Variants in EXOC4 observed in about 807,000 individuals in gnomAD.
EXOC4 encodes the protein SEC8-like 1.
Under a neutral mutation model 107.2 loss-of-function variants are expected in EXOC4, and 71 were observed. The ratio of observed to expected loss-of-function variants is 0.66; its 90% CI spans 0.55 to 0.81. The LOEUF is 0.81. EXOC4 is among the 30% of genes least tolerant of loss of function. The pLI, the probability that EXOC4 is intolerant of heterozygous loss-of-function variation, is 0.00. For synonymous variants in EXOC4, 456 were observed against 441.2 expected (o/e 1.03, Z -0.42); for missense variants, 1,108 against 1,189.6 (o/e 0.93, Z 1.01).
At position 133,811,400 on chromosome 7, in the gene EXOC4, C is replaced by T. The variant is rs568433270; in HGVS notation, c.1515-5925C>T. On this transcript the variant is annotated intron_variant, in intron 10 of 17. Coordinates refer to ENST00000253861, the MANE Select transcript of EXOC4 (RefSeq NM_021807.4). ...TGATTATTCTCTTCTATACCCTTGA[C>T]TCTCACTCCTGTCTCCCATTCAACA... is the stretch of plus-strand genomic sequence containing the variant. Among the ~76,000 whole-genome samples the T allele has an allele frequency of 2.1e-3, 322 of 152,298 alleles. 2 individuals are homozygous for T. The highest frequency in any genetic ancestry group is 7.1e-3 in the African/African-American group (297 of 41,564).
chr7:133,769,668 GA>G (rs1037219005), intron 10 of EXOC4, among the ~76,000 whole-genome samples: 5 of 151,756 alleles, frequency 3.3e-5, no homozygotes, highest in South Asian at 2.1e-4. Flanking sequence ...TCTAGTGAGG[GA>G]AAAAAAGCTC....
intron 14 of EXOC4, among the ~76,000 whole-genome samples, chr7:133,997,288 A>T (rs1374211642): frequency 6.6e-6 from 1 of 152,222 alleles, no homozygotes; most frequent in Admixed American, 6.5e-5. Context: ...AAATATTATT[A>T]TATGAATTGA....
intron 7 of EXOC4, among the ~76,000 whole-genome samples, chr7:133,419,093 T>C (rs561629242): frequency 1.2e-4 from 19 of 152,290 alleles, no homozygotes; most frequent in African/African-American, 3.9e-4. Context: ...TCTGAATAAC[T>C]GTTATTTCAA....
chr7:133,558,202 T>G lies in EXOC4; in HGVS notation c.1418-71843T>G, dbSNP rs569524207. ...TTTTGGTTCCTTCTCTTTTCTTTTC[T>G]TTTCTTTTCTTTTCTTTTCTTTTCT... On this transcript the variant is annotated intron_variant, in intron 9 of 17. Transcript: ENST00000253861. 1.7e-4 allele frequency among the ~76,000 whole-genome samples: 21 copies of G among 125,182 alleles called. No individual in the cohort carries two copies. In the East Asian group the frequency reaches 1.7e-3, roughly 10 times the overall value. 82.1% of individuals were successfully genotyped at this position (125,182 alleles called of 152,430 possible).
intron 14 of EXOC4, among the ~76,000 whole-genome samples, chr7:133,990,741 A>G (rs1460726063): frequency 6.6e-6 from 1 of 152,160 alleles, no homozygotes; most frequent in Non-Finnish European, 1.5e-5. Flanking sequence ...GGCATGAGCC[A>G]CTGTGCCCCA....
chr7:133,879,560 C>A (rs975248894), intron 11 of EXOC4, among the ~76,000 whole-genome samples: 5 of 152,008 alleles, frequency 3.3e-5, no homozygotes, highest in African/African-American at 1.2e-4. Context: ...TTTTAATAGC[C>A]ACCTTAAATG....
chr7:133,789,013 T>C (rs1404954131), intron 10 of EXOC4, among the ~76,000 whole-genome samples: 2 of 152,210 alleles, frequency 1.3e-5, no homozygotes, highest in African/African-American at 4.8e-5. Flanking sequence ...TAATGTCTCA[T>C]CTCCATTATT....
chr7:133,614,048 G>T (rs1037206870), intron 9 of EXOC4, among the ~76,000 whole-genome samples: 32 of 152,138 alleles, frequency 2.1e-4, no homozygotes, highest in African/African-American at 6.0e-4. Context: ...TGCCAACCAA[G>T]AGACAGCAGA....
chr7:133,707,260 T>C (rs578145277), intron 10 of EXOC4, among the ~76,000 whole-genome samples: 1 of 152,294 alleles, frequency 6.6e-6, no homozygotes, highest in East Asian at 1.9e-4. Context: ...GGTGCATGTC[T>C]ATAATCCCAG....
chr7:133,960,787 G>C (rs1238331325), intron 14 of EXOC4, among the ~76,000 whole-genome samples: 1 of 152,144 alleles, frequency 6.6e-6, no homozygotes, highest in Non-Finnish European at 1.5e-5. Context: ...TTGATTATAA[G>C]ATCACAGAAC....
intron 10 of EXOC4, among the ~76,000 whole-genome samples, chr7:133,730,950 C>T (rs902297811): frequency 2.0e-5 from 3 of 152,114 alleles, no homozygotes; most frequent in Admixed American, 1.3e-4. Context: ...TCACAAGATT[C>T]ACTTGATAAT....
intron 12 of EXOC4, among the ~76,000 whole-genome samples, chr7:133,911,080 T>C (rs756966476): frequency 7.2e-4 from 109 of 152,200 alleles, no homozygotes; most frequent in Non-Finnish European, 1.2e-3. Flanking sequence ...CCTCATCACC[T>C]GTACCAAAAG....
intron 11 of EXOC4, among the ~76,000 whole-genome samples, chr7:133,848,528 G>T (rs180840343): frequency 6.6e-6 from 1 of 152,216 alleles, no homozygotes; most frequent in South Asian, 2.1e-4. Flanking sequence ...ATCTTAGATA[G>T]AATGGTATAT....
intron 14 of EXOC4, among the ~76,000 whole-genome samples, chr7:133,996,009 A>C (rs1462930225): frequency 6.6e-6 from 1 of 152,234 alleles, no homozygotes; most frequent in African/African-American, 2.4e-5. Flanking sequence ...GAAAAAGAGA[A>C]GGATGTTCAT....
At chr7:133,840,879 G>T (rs1274220940) in intron 11 of EXOC4, among the ~76,000 whole-genome samples, 1 of 152,150 alleles carries the variant, frequency 6.6e-6, no homozygotes, top group East Asian at 1.9e-4. Context: ...TCTTAAATGT[G>T]TTATGTTGTA....
chr7:133,579,394 A>G (rs7791878), intron 9 of EXOC4, among the ~76,000 whole-genome samples: 94,879 of 151,992 alleles, frequency 0.62, 30,793 homozygotes, highest in South Asian at 0.73. Flanking sequence ...CACAGTATGT[A>G]TATCTTTTGG....
At chr7:133,598,936 A>T (rs1801744455) in intron 9 of EXOC4, among the ~76,000 whole-genome samples, 1 of 152,156 alleles carries the variant, frequency 6.6e-6, no homozygotes, top group African/African-American at 2.4e-5. Flanking sequence ...GTGAGCCAAG[A>T]TCGCGCCACT....
intron 17 of EXOC4, among the ~76,000 whole-genome samples, chr7:134,063,262 G>C (rs1199690314): frequency 6.6e-6 from 1 of 152,142 alleles, no homozygotes; most frequent in South Asian, 2.1e-4. Context: ...AGCCCTGCCT[G>C]ACAGAATCTT....
At chr7:133,939,115 C>T (rs1800369731) in intron 14 of EXOC4, among the ~76,000 whole-genome samples, 1 of 152,104 alleles carries the variant, frequency 6.6e-6, no homozygotes, top group African/African-American at 2.4e-5. Flanking sequence ...AAAGAAACAG[C>T]AGGAAGGATA....
Sources: allele counts gnomAD v4.1 joint callset (sites outside exome capture counted in the v4.1 genomes callset), GRCh38; gene constraint gnomAD v4.1.1; transcripts MANE v1.5; gene names NCBI Gene and HGNC (gene_info 2026-07-23, HGNC 2026-07-21).